Variants in NHS observed in about 807,000 individuals in gnomAD.
The protein encoded by NHS is NHS actin remodeling regulator.
NHS carries 5 observed loss-of-function variants against 72.5 expected under a neutral mutation model. The observed-to-expected ratio is 0.07, with a 90% CI of 0.04 to 0.14. NHS has a LOEUF of 0.14. NHS is among the 10% of genes least tolerant of loss of function. The pLI is 1.00. For missense variants in NHS, 1,072 were observed against 1,355.7 expected, an observed-to-expected ratio of 0.79 and a Z score of 3.29; for synonymous variants, 464 against 547.7, an observed-to-expected ratio of 0.85 and a Z score of 2.13.
intron 1 of NHS, among the ~76,000 whole-genome samples, chrX:17,504,178 A>C (rs1273663443): frequency 2.7e-5 from 3 of 112,258 alleles, no homozygotes; most frequent in African/African-American, 9.7e-5. Context: ...CAGGCTTCTG[A>C]AAGACACTAG....
intron 3 of NHS, among the ~76,000 whole-genome samples, chrX:17,698,413 C>T (rs1425467849): frequency 9.8e-5 from 11 of 111,819 alleles, no homozygotes; most frequent in African/African-American, 3.6e-4. Context: ...AATTGGTAAG[C>T]TTAAACAGAC....
chrX:17,445,756 AG>A (rs1179315594), intron 1 of NHS, among the ~76,000 whole-genome samples: 114 of 83,579 alleles, frequency 1.4e-3, no homozygotes, highest in East Asian at 0.01. Context: ...AAAAAAAAAA[AG>A]GGGGGGGGGA....
At chrX:17,558,051 G>A (rs1055632373) in intron 1 of NHS, among the ~76,000 whole-genome samples, 1 of 112,164 alleles carries the variant, frequency 8.9e-6, no homozygotes, top group South Asian at 3.7e-4. Flanking sequence ...AGGTACAGCC[G>A]ACACTCAAGT....
intron 1 of NHS, among the ~76,000 whole-genome samples, chrX:17,589,368 T>C (rs1951353113): frequency 9.0e-6 from 1 of 111,596 alleles, no homozygotes; most frequent in Non-Finnish European, 1.9e-5. Context: ...CTTATGCCTT[T>C]GCATCCTCAT....
chrX:17,429,947 G>A (rs1418708308), intron 1 of NHS, among the ~76,000 whole-genome samples: 3 of 111,542 alleles, frequency 2.7e-5, no homozygotes, highest in African/African-American at 6.5e-5. Context: ...TTGACCTACA[G>A]CACTTGCTGC....
At chrX:17,395,537 TTTGTA>T (rs1209956128) in intron 1 of NHS, among the ~76,000 whole-genome samples, 2 of 112,486 alleles carry the variant, frequency 1.8e-5, no homozygotes, top group Non-Finnish European at 3.8e-5. Context: ...TGGTCACCCT[TTTGTA>T]TTCTCTAAGG....
intron 1 of NHS, among the ~76,000 whole-genome samples, chrX:17,571,008 CA>C (rs1273609079): frequency 1.8e-5 from 2 of 112,099 alleles, no homozygotes; most frequent in East Asian, 5.6e-4. Flanking sequence ...CCTTGCATCC[CA>C]GGGGTGAAGC....
chrX:17,486,427 T>G (rs760283474), intron 1 of NHS, among the ~76,000 whole-genome samples: 1 of 112,034 alleles, frequency 8.9e-6, no homozygotes, highest in Non-Finnish European at 1.9e-5. Flanking sequence ...TGCTTCAAGC[T>G]GCAGGTCTGT....
rs182994653 is a variant in NHS, at chrX:17,422,564, A to T, written c.565+46242A>T. ...TGTGGAGCTGTCTGTGCACTGTAGG[A>T]TGTTTAGCCACACCCCTGTTCTCCA... is the stretch of plus-strand genomic sequence containing the variant. On this transcript the variant is annotated intron_variant, in intron 1 of 8. Coordinates refer to ENST00000676302, the MANE Select transcript of NHS (RefSeq NM_001291867.2). Among the ~76,000 whole-genome samples, 4 of 111,362 alleles carry T rather than the reference A, an allele frequency of 3.6e-5. No individual in the cohort carries two copies. In the East Asian group the frequency reaches 1.1e-3, roughly 32 times the overall value.
chrX:17,675,286 A>G (rs902944616), intron 1 of NHS, among the ~76,000 whole-genome samples: 2 of 112,775 alleles, frequency 1.8e-5, no homozygotes, highest in Non-Finnish European at 3.7e-5. Flanking sequence ...CAAATAAGTA[A>G]TTATGCCATT....
At chrX:17,673,445 A>G (rs2066061626) in intron 1 of NHS, among the ~76,000 whole-genome samples, 1 of 111,484 alleles carries the variant, frequency 9.0e-6, no homozygotes. Flanking sequence ...AATCAGATGT[A>G]TGTGCTTCCA....
At chrX:17,630,991 A>G (rs2065820707) in intron 1 of NHS, among the ~76,000 whole-genome samples, 1 of 112,087 alleles carries the variant, frequency 8.9e-6, no homozygotes, top group Admixed American at 9.4e-5. Context: ...TTGACCAATG[A>G]GAACCACTCA....
chrX:17,550,552 G>A (rs1350496828), intron 1 of NHS, among the ~76,000 whole-genome samples: 2 of 111,834 alleles, frequency 1.8e-5, no homozygotes, highest in Non-Finnish European at 3.8e-5. Flanking sequence ...AGTCACAGAA[G>A]TGGTCTAGTT....
chrX:17,521,930 C>G (rs1475953878), intron 1 of NHS, among the ~76,000 whole-genome samples: 1 of 112,595 alleles, frequency 8.9e-6, no homozygotes, highest in Non-Finnish European at 1.9e-5. Context: ...GTTGGAAAAT[C>G]AGGGTTTGGT....
rs200616501 is a variant in NHS, at chrX:17,692,467, C to T, written c.851C>T (p.Thr284Met). 3.2e-5 allele frequency: 39 copies of T among 1,207,930 alleles called. No homozygotes were observed. In the East Asian group the frequency reaches 7.4e-4, roughly 23 times the overall value. ...RREFKDRHFL[T>M]FNSTRSPSPT... ...GAGTTTAAGGACCGTCACTTTTTAACGGTAAGTTTGGTGGCCACCTGCAGC... is the reference window on the plus strand; with the variant it reads ...GAGTTTAAGGACCGTCACTTTTTAATGGTAAGTTTGGTGGCCACCTGCAGC... The change falls in exon 3 of 9, where the codon ACG becomes ATG. Residue 284 changes from threonine (T) to methionine (M), a missense_variant and splice_region_variant. Coordinates refer to ENST00000676302, the MANE Select transcript of NHS (RefSeq NM_001291867.2).
At chrX:17,724,202 C>T in intron 5 of NHS, 97 bp from the exon 6 acceptor site, 1 of 1,104,668 alleles carries the variant, frequency 9.1e-7, no homozygotes, top group Non-Finnish European at 1.2e-6. Context: ...AACCCAAACT[C>T]TTTCCTTACT....
intron 1 of NHS, among the ~76,000 whole-genome samples, chrX:17,408,226 G>C (rs2064538812): frequency 9.0e-6 from 1 of 110,617 alleles, no homozygotes; most frequent in South Asian, 3.9e-4. Flanking sequence ...GGCTGGACTT[G>C]AACTCCTGGG....
At chrX:17,685,616 C>G (rs2066157837) in intron 1 of NHS, among the ~76,000 whole-genome samples, 1 of 110,978 alleles carries the variant, frequency 9.0e-6, no homozygotes, top group Non-Finnish European at 1.9e-5. Context: ...TTTCAGGTAA[C>G]TTGATATTTA....
At chrX:17,453,828 C>G (rs1025144499) in intron 1 of NHS, among the ~76,000 whole-genome samples, 1 of 111,751 alleles carries the variant, frequency 8.9e-6, no homozygotes, top group African/African-American at 3.3e-5. Context: ...ATGTATCAGT[C>G]TGAGAGAGGG....
Sources: allele counts gnomAD v4.1 joint callset (sites outside exome capture counted in the v4.1 genomes callset), GRCh38; gene constraint gnomAD v4.1.1; transcripts MANE v1.5; gene names NCBI Gene and HGNC (gene_info 2026-07-23, HGNC 2026-07-21).